The following KDM3B variants were observed in gnomAD, a reference collection of about 807,000 sequenced individuals.
KDM3B encodes lysine demethylase 3B.
In KDM3B, 10 loss-of-function variants were observed where a neutral mutation model predicts 170.0. The observed-to-expected ratio is 0.06, with a 90% confidence interval of 0.04 to 0.10. The LOEUF is 0.10. Among genes scored for constraint, KDM3B ranks in the 10% least tolerant of loss-of-function variants. KDM3B has a pLI of 1.00. For synonymous variants in KDM3B, 831 were observed against 834.8 expected (o/e 1.00, Z 0.08); for missense variants, 1,394 against 2,195.2 (o/e 0.64, Z 7.29).
At chr5:138,432,255 T>A (rs1210186516) in intron 23 of KDM3B, among the ~76,000 whole-genome samples, 2 of 152,220 alleles carry the variant, frequency 1.3e-5, no homozygotes, top group Non-Finnish European at 2.9e-5. Flanking sequence ...GCAGACTCAA[T>A]TTCTTAGAGC....
At chr5:138,398,536 C>G (rs1762601241) in intron 10 of KDM3B, 144 bp downstream of exon 10, 1 of 681,758 alleles carries the variant, frequency 1.5e-6, no homozygotes. Context: ...TTGTAGCAAC[C>G]TGTCGTTGAG....
chr5:138,427,333 G>A lies in KDM3B; in HGVS notation c.4633+14G>A. On this transcript the variant is annotated intron_variant, in intron 19 of 23. Transcript: ENST00000314358. Reference sequence around the variant, plus strand: ...ACAACGCCTATGGTATGAGGGAGAGGCTAAAATTGCTCTTTTGGGGGACTG... The same window carrying A: ...ACAACGCCTATGGTATGAGGGAGAGACTAAAATTGCTCTTTTGGGGGACTG... The A allele has an allele frequency of 6.3e-7, 1 of 1,596,440 alleles. No homozygotes were observed. The highest frequency in any genetic ancestry group is 1.3e-5 in the African/African-American group (1 of 74,624).
intron 11 of KDM3B, among the ~76,000 whole-genome samples, chr5:138,404,161 A>T (rs1396916209): frequency 1.3e-5 from 2 of 152,220 alleles, no homozygotes. Context: ...CAAACATACA[A>T]GTAGAGTTTC....
At chr5:138,360,879 A>C (rs995112364) in intron 1 of KDM3B, among the ~76,000 whole-genome samples, 6 of 152,196 alleles carry the variant, frequency 3.9e-5, no homozygotes, top group Non-Finnish European at 8.8e-5. Flanking sequence ...GGCGTGAGCC[A>C]CCACGCCCGG....
Position 138,417,554 on chromosome 5 carries a change from A to G in KDM3B, c.3379A>G (p.Ile1127Val), listed in dbSNP as rs1421245480. 1.9e-6 allele frequency: 3 copies of G among 1,614,058 alleles called. No homozygotes were observed. Among genetic ancestry groups the G allele is most frequent in the Non-Finnish European group, 2.5e-6 (3 of 1,180,030 alleles). Residue 1127 changes from isoleucine to valine, a missense_variant, in exon 13 of 24, where the codon ATC becomes GTC. Transcript: ENST00000314358. ...KWGIKANCPC[I>V]SRQNKSVLRP... ...GGGAATTAAAGCAAACTGCCCTTGT[A>G]TCAGTCGACAGAACAAATCTGTATT...
intron 1 of KDM3B, among the ~76,000 whole-genome samples, chr5:138,357,520 C>T (rs1761481620): frequency 6.6e-6 from 1 of 151,448 alleles, no homozygotes; most frequent in South Asian, 2.1e-4. Context: ...CACACTACCA[C>T]GTCTGGCAAA....
Position 138,435,877 on chromosome 5 carries a change from GA to G in KDM3B, c.*180del, listed in dbSNP as rs1421874517. ...GCCTCAACACTGAAGGTTGACACAG[GA>G]AAGTCGTACTGTTCACACACACAGT... is the stretch of plus-strand genomic sequence containing the variant. On this transcript the variant is annotated 3_prime_UTR_variant, in exon 24 of 24. Transcript: ENST00000314358. The G allele has an allele frequency of 1.0e-5, 6 of 600,596 alleles. No individual in the cohort carries two copies. In the African/African-American group the frequency reaches 1.1e-4, roughly 11 times the overall value. The allele number at this position is 600,596 out of a possible 1,614,324, so 37.2% of individuals were successfully genotyped here.
intron 7 of KDM3B, 43 bp downstream of exon 7, chr5:138,386,664 C>G (rs780199170): frequency 6.3e-7 from 1 of 1,576,112 alleles, no homozygotes; most frequent in Non-Finnish European, 8.6e-7. Context: ...TGGGTTTACT[C>G]TTTCGCCCTC....
At chr5:138,427,388 CTG>C (rs891549455) in intron 19 of KDM3B, 69 bp downstream of exon 19, 7 of 1,536,624 alleles carry the variant, frequency 4.6e-6, no homozygotes, top group Non-Finnish European at 5.3e-6. Context: ...AGAAGGATAT[CTG>C]TGGTCAATGT....
chr5:138,391,821 G>T lies in KDM3B; in HGVS notation c.2189G>T (p.Ser730Ile). The change falls in exon 8 of 24, where the codon AGC becomes ATC. Residue 730 changes from serine (S) to isoleucine (I), a missense_variant. Physicochemically the swap from Ser to Ile is moderately radical, Grantham distance 142. Around this residue, in one of 19 missense-constraint regions of KDM3B, gnomAD observed 294 missense variants for 311.7 expected, o/e 0.94. Coordinates refer to ENST00000314358, the MANE Select transcript of KDM3B (RefSeq NM_016604.4). The surrounding 1 kb of genome is among the most constrained non-coding windows in gnomAD (Gnocchi z 5.0). ...MGNGRSSSPTSSLTQPIEMPT... is the reference protein window; with the variant it reads ...MGNGRSSSPTISLTQPIEMPT... ...AATGGCCGCTCCAGCTCGCCCACCA[G>T]CAGCCTCACTCAGCCCATTGAGATG... 6.2e-7 allele frequency: 1 copy of T among 1,614,084 alleles called. No homozygotes were observed. Among genetic ancestry groups the T allele is most frequent in the Non-Finnish European group, 8.5e-7 (1 of 1,180,014 alleles).
chr5:138,396,644 A>G (rs1762554095), intron 9 of KDM3B, among the ~76,000 whole-genome samples: 1 of 152,080 alleles, frequency 6.6e-6, no homozygotes, highest in Non-Finnish European at 1.5e-5. Flanking sequence ...GCGGGAACTC[A>G]TGGAATACGT....
At chr5:138,418,229 G>A (rs1449333350) in intron 13 of KDM3B, among the ~76,000 whole-genome samples, 1 of 151,882 alleles carries the variant, frequency 6.6e-6, no homozygotes, top group African/African-American at 2.4e-5. Context: ...ACAGGCATGC[G>A]CCACCACACC....
At position 138,418,985 on chromosome 5, in the gene KDM3B, A is replaced by G; in HGVS notation, c.3468A>G (p.Gly1156=). 6.2e-7 allele frequency: 1 copy of G among 1,614,188 alleles called. No individual in the cohort carries two copies. The highest frequency in any genetic ancestry group is 8.5e-7 in the Non-Finnish European group (1 of 1,180,034). The change falls in exon 14 of 24, where the codon GGA becomes GGG. Residue 1156 remains glycine, a synonymous_variant. Transcript: ENST00000314358. ...GCATAAACCCTAGTGCCTCTTCTGGAAACGAAACTACCTTCTCTGGTGGAG... is the reference window on the plus strand; with the variant it reads ...GCATAAACCCTAGTGCCTCTTCTGGGAACGAAACTACCTTCTCTGGTGGAG... ...LPSINPSASS[G]NETTFSGGGG...
At chr5:138,381,907 G>A (rs1357749492) in intron 6 of KDM3B, among the ~76,000 whole-genome samples, 1 of 151,990 alleles carries the variant, frequency 6.6e-6, no homozygotes, top group Non-Finnish European at 1.5e-5. Context: ...GCAATAAGCA[G>A]TAGTAATACT....
At position 138,391,480 on chromosome 5, in the gene KDM3B, G is replaced by T. The variant is rs34608821; in HGVS notation, c.1848G>T (p.Glu616Asp). 3.2e-3 allele frequency: 5,153 copies of T among 1,614,114 alleles called. 24 individuals carry two copies. The highest frequency in any genetic ancestry group is 8.9e-3 in the Middle Eastern group (54 of 6,062). Residue 616 changes from glutamate to aspartate, a missense_variant, in exon 8 of 24, where the codon GAG becomes GAT. Physicochemically the swap from Glu to Asp is conservative, Grantham distance 45 (BLOSUM62 2). Around this residue, in one of 19 missense-constraint regions of KDM3B, gnomAD observed 294 missense variants for 311.7 expected, o/e 0.94. Transcript: ENST00000314358. The surrounding 1 kb of genome is among the most constrained non-coding windows in gnomAD (Gnocchi z 5.0). ...GCCTCCTAAATGCCCGTACCCCAGA[G>T]AATCATGAAAATCTATTTTTACAGC... The part of the protein sequence containing the change: ...PRSLLNARTP[E>D]NHENLFLQPP...
rs199722162 is a variant in KDM3B, at chr5:138,368,408, A to AT, written c.193-4258dup. ...CCACCATGCCTGGTTTTTTTTTTCT[A>AT]TTTTTTTTGTAGAGACAGGATCTTG... On this transcript the variant is annotated intron_variant, in intron 1 of 23. Transcript: ENST00000314358. Among the ~76,000 whole-genome samples, 1,037 of 147,974 alleles carry AT rather than the reference A, an allele frequency of 7.0e-3. 12 individuals are homozygous for AT. Among genetic ancestry groups the AT allele is most frequent in the South Asian group, 0.022 (104 of 4,696 alleles).
chr5:138,387,925 CA>C (rs1428952804), intron 7 of KDM3B, among the ~76,000 whole-genome samples: 2 of 151,916 alleles, frequency 1.3e-5, no homozygotes, highest in South Asian at 2.1e-4. Context: ...ACTAAAAATA[CA>C]AAAAATTAGC....
chr5:138,424,414 C>A, intron 16 of KDM3B, 73 bp downstream of exon 16: 1 of 1,490,158 alleles, frequency 6.7e-7, no homozygotes, highest in Non-Finnish European at 9.1e-7. Context: ...AATTCCAGGT[C>A]TCTCTTTTTG....
intron 2 of KDM3B, among the ~76,000 whole-genome samples, chr5:138,373,718 C>T (rs746091596): frequency 6.6e-6 from 1 of 152,132 alleles, no homozygotes; most frequent in Non-Finnish European, 1.5e-5. Flanking sequence ...CTCCTGGTCT[C>T]AAGCAGTCCA....
Sources: allele counts gnomAD v4.1 joint callset (sites outside exome capture counted in the v4.1 genomes callset), GRCh38; gene constraint gnomAD v4.1.1; regional missense constraint gnomAD v4.1.1; non-coding constraint Gnocchi (gnomAD v3.1); transcripts MANE v1.5; gene names NCBI Gene and HGNC (gene_info 2026-07-23, HGNC 2026-07-21).